PLCB4: variants seen among roughly 807,000 people sequenced by gnomAD.
PLCB4 encodes phospholipase C beta 4, also known as 1-phosphatidylinositol 4,5-bisphosphate phosphodiesterase beta-4.
PLCB4 carries 77 observed loss-of-function variants against 178.8 expected under a neutral mutation model. That is an observed-to-expected ratio of 0.43 (90% CI 0.36 to 0.52). The LOEUF (loss-of-function observed/expected upper bound fraction) is 0.52, where lower values mean the gene tolerates loss of function less well. Ranked by LOEUF, PLCB4 falls within the 20% of genes least tolerant of loss-of-function variation. PLCB4 has a pLI of 0.00. For missense variants in PLCB4, 1,024 were observed against 1,453.4 expected (o/e 0.70, Z 4.80); for synonymous variants, 496 against 490.8 (o/e 1.01, Z -0.14).
chr20:9,161,221 C>T (rs1055000918), intron 2 of PLCB4, among the ~76,000 whole-genome samples: 3 of 152,156 alleles, frequency 2.0e-5, no homozygotes, highest in Non-Finnish European at 2.9e-5. Flanking sequence ...AGGGTTTGAA[C>T]GCAGCTTATT....
chr20:9,455,911 A>G (rs765795991), intron 33 of PLCB4, among the ~76,000 whole-genome samples: 3 of 152,100 alleles, frequency 2.0e-5, no homozygotes, highest in Non-Finnish European at 4.4e-5. Context: ...TCTTGGCCCA[A>G]TGCAACCTCC....
chr20:9,438,793 G>T (rs576105792), intron 30 of PLCB4, among the ~76,000 whole-genome samples: 1 of 152,314 alleles, frequency 6.6e-6, no homozygotes, highest in East Asian at 1.9e-4. Context: ...AACCAGGGGT[G>T]ATTGGATGAT....
chr20:9,105,183 A>C (rs2146654369), intron 2 of PLCB4, among the ~76,000 whole-genome samples: 1 of 152,246 alleles, frequency 6.6e-6, no homozygotes, highest in South Asian at 2.1e-4. Context: ...TTGATGATTT[A>C]ATTACCAAGC....
chr20:9,224,198 C>G (rs2093835105), intron 3 of PLCB4, among the ~76,000 whole-genome samples: 1 of 152,156 alleles, frequency 6.6e-6, no homozygotes, highest in Admixed American at 6.5e-5. Flanking sequence ...CTCAGGGACC[C>G]TCTCCATTGC....
Position 9,423,946 on chromosome 20 carries a change from T to C in PLCB4, c.2518T>C (p.Phe840Leu). 1.3e-6 allele frequency: 2 copies of C among 1,597,294 alleles called. No individual in the cohort carries two copies. Among genetic ancestry groups the C allele is most frequent in the Non-Finnish European group, 1.7e-6 (2 of 1,166,008 alleles). The change falls in exon 28 of 40, where the codon TTT (phenylalanine) becomes CTT (leucine). Residue 840 changes from phenylalanine to leucine, a missense_variant. This residue lies in a region of PLCB4 where 227 missense variants were observed against 374.3 expected (regional missense o/e 0.61). Transcript: ENST00000378473. The stretch of plus-strand genomic sequence containing the variant: ...TCTTAAAACATATGTGCCTGATGGA[T>C]TTGGAGGTAAGATAAACATTTGGGT... ...IVLKTYVPDGFGDIVDALSDP... is the reference protein window; with the variant it reads ...IVLKTYVPDGLGDIVDALSDP...
rs1251673183 is a variant in PLCB4 at position 9,338,989 on chromosome 20, G to A, written c.321G>A (p.Val107=). The change falls in exon 7 of 40, where the codon GTG becomes GTA. Residue 107 remains valine (V), a synonymous_variant. Coordinates refer to ENST00000378473, the MANE Select transcript of PLCB4 (RefSeq NM_001377142.1). The stretch of plus-strand genomic sequence containing the variant: ...GTGTCTGCAGTGGCACAGATCTAGT[G>A]AACATTAGTTTTACCTACATGGTGG... ...IVCVCSGTDL[V]NISFTYMVAE... is the part of the protein sequence containing the mutation. 1 of 1,613,386 alleles carries A rather than the reference G, an allele frequency of 6.2e-7. No individual in the cohort carries two copies.
intron 2 of PLCB4, among the ~76,000 whole-genome samples, chr20:9,201,838 G>T (rs1276240314): frequency 6.6e-6 from 1 of 152,172 alleles, no homozygotes; most frequent in Non-Finnish European, 1.5e-5. Context: ...GTTTCTTACA[G>T]TGTTAAACAT....
chr20:9,378,923 G>A (rs2036908734), intron 12 of PLCB4, among the ~76,000 whole-genome samples: 1 of 152,094 alleles, frequency 6.6e-6, no homozygotes, highest in Non-Finnish European at 1.5e-5. Flanking sequence ...AATAGGGAAG[G>A]GAAATCCATA....
intron 28 of PLCB4, among the ~76,000 whole-genome samples, chr20:9,430,795 T>A (rs982267440): frequency 5.3e-5 from 8 of 152,176 alleles, no homozygotes; most frequent in Non-Finnish European, 1.0e-4. Context: ...GACCAAGACA[T>A]TGCTGCATAA....
intron 2 of PLCB4, among the ~76,000 whole-genome samples, chr20:9,149,057 G>A (rs1041060760): frequency 5.9e-5 from 9 of 152,224 alleles, no homozygotes; most frequent in Middle Eastern, 3.4e-3. Context: ...TGGCCTCCAG[G>A]TAGGTGTAGC....
intron 28 of PLCB4, among the ~76,000 whole-genome samples, chr20:9,431,510 G>A (rs1386567014): frequency 6.6e-6 from 1 of 151,874 alleles, no homozygotes; most frequent in African/African-American, 2.4e-5. Flanking sequence ...CTGTCGCCCA[G>A]GCTGCAGTGC....
chr20:9,467,432 A>G (rs1372776939), intron 35 of PLCB4, among the ~76,000 whole-genome samples: 1 of 125,156 alleles, frequency 8.0e-6, no homozygotes, highest in Non-Finnish European at 1.7e-5. Context: ...TATAATAAAA[A>G]ATAAATAAAT....
At chr20:9,421,907 G>C (rs2040669257) in intron 27 of PLCB4, among the ~76,000 whole-genome samples, 1 of 152,212 alleles carries the variant, frequency 6.6e-6, no homozygotes, top group Non-Finnish European at 1.5e-5. Flanking sequence ...AGTGACACCT[G>C]TTGCCTACTT....
chr20:9,380,965 G>C (rs1275545455), intron 13 of PLCB4, among the ~76,000 whole-genome samples: 1 of 152,132 alleles, frequency 6.6e-6, no homozygotes, highest in Admixed American at 6.5e-5. Context: ...ATGCCAGTGA[G>C]TGTGGTTGAA....
intron 13 of PLCB4, among the ~76,000 whole-genome samples, chr20:9,380,727 T>A (rs897865836): frequency 6.6e-6 from 1 of 152,154 alleles, no homozygotes; most frequent in Non-Finnish European, 1.5e-5. Context: ...CAAATATTTG[T>A]CAAAGGAAAG....
chr20:9,187,760 G>A (rs534459115), intron 2 of PLCB4, among the ~76,000 whole-genome samples: 5 of 152,140 alleles, frequency 3.3e-5, no homozygotes, highest in South Asian at 2.1e-4. Flanking sequence ...GATAATTTCC[G>A]TAGGCAAATA....
chr20:9,124,173 A>G (rs2092049862), intron 2 of PLCB4, among the ~76,000 whole-genome samples: 1 of 152,164 alleles, frequency 6.6e-6, no homozygotes, highest in Non-Finnish European at 1.5e-5. Flanking sequence ...ATAGTTTGCC[A>G]ACCTCTGGTC....
chr20:9,314,390 C>T (rs937753735), intron 4 of PLCB4, among the ~76,000 whole-genome samples: 3 of 152,042 alleles, frequency 2.0e-5, no homozygotes, highest in African/African-American at 4.8e-5. Flanking sequence ...TGGAGAAATA[C>T]GGGAGGATTT....
chr20:9,279,758 G>C (rs2094478258), intron 3 of PLCB4, among the ~76,000 whole-genome samples: 1 of 151,970 alleles, frequency 6.6e-6, no homozygotes, highest in South Asian at 2.1e-4. Context: ...GAAACCACTG[G>C]CTAACGTTTG....
Sources: gnomAD v4.1 joint callset for allele counts (sites outside exome capture counted in the v4.1 genomes callset) on GRCh38, gnomAD v4.1.1 for gene constraint, gnomAD v4.1.1 regional missense constraint, MANE v1.5 for transcripts, NCBI Gene and HGNC (gene_info 2026-07-23, HGNC 2026-07-21) for gene names.